The following MACROD2 variants were observed in gnomAD, a reference collection of about 807,000 sequenced individuals.
The protein encoded by MACROD2 is mono-ADP ribosylhydrolase 2, also known as ADP-ribose glycohydrolase MACROD2.
Under a neutral mutation model 70.4 loss-of-function variants are expected in MACROD2, and 36 were observed. That is an observed-to-expected ratio of 0.51 (90% CI 0.39 to 0.68). The LOEUF (loss-of-function observed/expected upper bound fraction) is 0.68. MACROD2 is among the 30% of genes least tolerant of loss of function. The pLI is 0.00. For synonymous variants in MACROD2, 172 were observed against 178.8 expected (o/e 0.96, Z 0.30); for missense variants, 496 against 538.4 (o/e 0.92, Z 0.78).
At chr20:14,214,246 C>T (rs906670270) in intron 3 of MACROD2, among the ~76,000 whole-genome samples, 6 of 151,988 alleles carry the variant, frequency 3.9e-5, no homozygotes, top group African/African-American at 1.4e-4. Context: ...GTTGTAGCCC[C>T]CCTGTATGGG....
At chr20:14,492,908 G>A (rs907163077) in intron 3 of MACROD2, among the ~76,000 whole-genome samples, 6 of 151,918 alleles carry the variant, frequency 3.9e-5, no homozygotes, top group African/African-American at 7.3e-5. Flanking sequence ...ATGTGTGTGC[G>A]GGGTTAATAA....
chr20:15,666,298 T>G (rs1703835118), intron 8 of MACROD2, among the ~76,000 whole-genome samples: 1 of 152,194 alleles, frequency 6.6e-6, no homozygotes, highest in South Asian at 2.1e-4. Flanking sequence ...GATATCTAAA[T>G]GACTAATCAA....
At chr20:15,100,475 C>T (rs768409442) in intron 5 of MACROD2, among the ~76,000 whole-genome samples, 1 of 152,110 alleles carries the variant, frequency 6.6e-6, no homozygotes, top group Non-Finnish European at 1.5e-5. Flanking sequence ...AAACTGGACT[C>T]CCGTACAACT....
intron 12 of MACROD2, among the ~76,000 whole-genome samples, chr20:15,941,894 A>G (rs1381540348): frequency 6.6e-6 from 1 of 152,134 alleles, no homozygotes; most frequent in Non-Finnish European, 1.5e-5. Context: ...TTTGCTTGTT[A>G]GTGGGCTGGC....
intron 6 of MACROD2, among the ~76,000 whole-genome samples, chr20:15,301,591 C>CTTTTTTTTTTTTGTTTTTTTT (rs2077643221): frequency 1.2e-5 from 1 of 81,250 alleles, no homozygotes; most frequent in Non-Finnish European, 2.4e-5. Context: ...GGTAGGTGGC[C>CTTTTTTTTTTTTGTTTTTTTT]TTTTTTTTTT....
At chr20:14,267,344 G>A (rs1007344304) in intron 3 of MACROD2, among the ~76,000 whole-genome samples, 1 of 152,102 alleles carries the variant, frequency 6.6e-6, no homozygotes, top group Non-Finnish European at 1.5e-5. Context: ...ATGAGGGCTA[G>A]AATATAAAAC....
At chr20:15,985,410 C>A (rs1259727769) in intron 13 of MACROD2, among the ~76,000 whole-genome samples, 1 of 152,136 alleles carries the variant, frequency 6.6e-6, no homozygotes, top group African/African-American at 2.4e-5. Flanking sequence ...CAAGTCAAAA[C>A]CAGAACAAAA....
intron 3 of MACROD2, among the ~76,000 whole-genome samples, chr20:14,381,548 C>A (rs1229733433): frequency 6.6e-6 from 1 of 152,080 alleles, no homozygotes; most frequent in Non-Finnish European, 1.5e-5. Context: ...TGGAGTAAAG[C>A]TTGATATATT....
Position 16,032,141 on chromosome 20 carries a change from C to T in MACROD2, c.1154-9060C>T, listed in dbSNP as rs371733243. ...ATCTTTATTTCTATTTAGAAATAAA[C>T]GCATGCTATTTTAAAAAGTTAGCAT... On this transcript the variant is annotated intron_variant, in intron 15 of 17. Coordinates refer to ENST00000684519, the MANE Select transcript of MACROD2 (RefSeq NM_001351661.2). Among the ~76,000 whole-genome samples the T allele has an allele frequency of 3.9e-5, 6 of 152,160 alleles. No homozygotes were observed. In the East Asian group the frequency reaches 7.7e-4, roughly 20 times the overall value.
At chr20:15,933,101 CT>C (rs2065603811) in intron 10 of MACROD2, among the ~76,000 whole-genome samples, 174 bp from the exon 11 acceptor site, 1 of 152,152 alleles carries the variant, frequency 6.6e-6, no homozygotes, top group Admixed American at 6.5e-5. Flanking sequence ...TATAAATGCA[CT>C]TATTTATGTA....
Position 15,516,687 on chromosome 20 carries a change from G to A in MACROD2, c.645+16840G>A, listed in dbSNP as rs2047572786. Among the ~76,000 whole-genome samples the A allele has an allele frequency of 2.0e-5, 3 of 152,228 alleles. No homozygotes were observed. In the South Asian group the frequency reaches 6.2e-4, roughly 32 times the overall value. Reference sequence around the variant, plus strand: ...AATCCAAATGCCTGTCTTACCACAAGACCAAGAACACCTGATCCTCGGTCC... The same window carrying A: ...AATCCAAATGCCTGTCTTACCACAAAACCAAGAACACCTGATCCTCGGTCC... On this transcript the variant is annotated intron_variant, in intron 8 of 17. Coordinates refer to ENST00000684519, the MANE Select transcript of MACROD2 (RefSeq NM_001351661.2).
At chr20:15,442,675 C>T (rs1194098865) in intron 7 of MACROD2, among the ~76,000 whole-genome samples, 1 of 152,072 alleles carries the variant, frequency 6.6e-6, no homozygotes, top group African/African-American at 2.4e-5. Context: ...CATCTGACTA[C>T]AATTCTATTA....
In MACROD2 at chr20:14,400,309, T is replaced by C. The variant is rs140981947; in HGVS notation, c.272-93170T>C. Among the ~76,000 whole-genome samples the C allele has an allele frequency of 8.0e-3, 1,223 of 152,286 alleles. 49 individuals carry two copies. The highest frequency in any genetic ancestry group is 0.066 in the Admixed American group (1,014 of 15,288). On this transcript the variant is annotated intron_variant, in intron 3 of 17. Coordinates refer to ENST00000684519, the MANE Select transcript of MACROD2 (RefSeq NM_001351661.2). ...AGGGCTAATTTTCCCCACTACTGGG[T>C]TTAATACCTTTTGAGTACTCTCCCT...
In MACROD2 at chr20:14,231,050, T is replaced by C. The variant is rs115996169; in HGVS notation, c.271+145322T>C. Among the ~76,000 whole-genome samples, 1,099 of 152,004 alleles carry C rather than the reference T, an allele frequency of 7.2e-3. 15 individuals carry two copies. The highest frequency in any genetic ancestry group is 0.025 in the African/African-American group (1,055 of 41,474). On this transcript the variant is annotated intron_variant, in intron 3 of 17. Transcript: ENST00000684519. ...TAATCTTAAAATATTCAGTAGACCA[T>C]GTTGTAAACAAATGTGCTGTCATCC...
chr20:16,035,093 ATATTATATAT>A (rs1400887587), intron 15 of MACROD2, among the ~76,000 whole-genome samples: 5 of 11,452 alleles, frequency 4.4e-4, no homozygotes, highest in Admixed American at 1.3e-3. Flanking sequence ...GTAATATAAA[ATATTATATAT>A]TATATATAAA....
intron 5 of MACROD2, among the ~76,000 whole-genome samples, chr20:15,186,756 C>G (rs952557657): frequency 6.6e-6 from 1 of 152,124 alleles, no homozygotes; most frequent in Admixed American, 6.5e-5. Flanking sequence ...CAAAAGTTAA[C>G]AGCAGTGCCT....
chr20:15,209,169 A>T (rs1396780593), intron 5 of MACROD2, among the ~76,000 whole-genome samples: 3 of 149,246 alleles, frequency 2.0e-5, no homozygotes, highest in African/African-American at 7.4e-5. Flanking sequence ...TCTTGTTAGC[A>T]TTTCTGGGTT....
At chr20:14,238,496 C>A (rs2081898036) in intron 3 of MACROD2, among the ~76,000 whole-genome samples, 2 of 152,258 alleles carry the variant, frequency 1.3e-5, no homozygotes, top group African/African-American at 2.4e-5. Context: ...AAAATTGGAA[C>A]AAGACAAGGA....
chr20:15,883,000 T>C (rs1282993832), intron 9 of MACROD2, among the ~76,000 whole-genome samples: 1 of 151,658 alleles, frequency 6.6e-6, no homozygotes, highest in Non-Finnish European at 1.5e-5. Context: ...TATTTGCATG[T>C]CTTGGTTTCT....
Sources: allele counts gnomAD v4.1 joint callset (sites outside exome capture counted in the v4.1 genomes callset), GRCh38; gene constraint gnomAD v4.1.1; transcripts MANE v1.5; gene names NCBI Gene and HGNC (gene_info 2026-07-23, HGNC 2026-07-21).